The following KAZN variants were observed in gnomAD, a reference collection of about 807,000 sequenced individuals.
KAZN encodes kazrin.
KAZN carries 40 observed loss-of-function variants against 87.4 expected under a neutral mutation model. The ratio of observed to expected loss-of-function variants is 0.46; its 90% CI spans 0.36 to 0.60. The LOEUF (loss-of-function observed/expected upper bound fraction) is 0.60, where lower values mean the gene tolerates loss of function less well. KAZN is among the 20% of genes least tolerant of loss of function. KAZN has a pLI of 0.00. For missense variants in KAZN, 898 were observed against 1,073.9 expected (o/e 0.84, Z 2.29); for synonymous variants, 466 against 458.3 (o/e 1.02, Z -0.22).
chr1:15,065,608 C>A (rs752960793), intron 7 of KAZN, 22 bp from the exon 8 acceptor site: 4 of 1,587,246 alleles, frequency 2.5e-6, no homozygotes, highest in Non-Finnish European at 3.4e-6. Flanking sequence ...CACCCTCTTC[C>A]ACGTGGCTCC....
intron 2 of KAZN, among the ~76,000 whole-genome samples, chr1:14,507,553 G>A (rs1027078779): frequency 6.6e-6 from 1 of 152,166 alleles, no homozygotes; most frequent in African/African-American, 2.4e-5. Flanking sequence ...CACCAGTAAC[G>A]CAGAATTCTT....
At chr1:14,870,418 T>C (rs1455495215) in intron 1 of KAZN, among the ~76,000 whole-genome samples, 2 of 152,166 alleles carry the variant, frequency 1.3e-5, no homozygotes, top group African/African-American at 2.4e-5. Context: ...TCTTGGCTCA[T>C]TGCAACCTCC....
chr1:15,014,141 A>G (rs1431537631), intron 2 of KAZN, among the ~76,000 whole-genome samples: 1 of 152,038 alleles, frequency 6.6e-6, no homozygotes, highest in African/African-American at 2.4e-5. Context: ...GGTCCTTCTG[A>G]ATGAGTCTCG....
intron 1 of KAZN, among the ~76,000 whole-genome samples, chr1:14,681,118 A>C (rs1241158784): frequency 6.6e-6 from 1 of 152,152 alleles, no homozygotes; most frequent in Non-Finnish European, 1.5e-5. Flanking sequence ...GGGCTGCCCA[A>C]GTCATTCCTG....
intron 1 of KAZN, among the ~76,000 whole-genome samples, chr1:13,985,904 A>G (rs1248641905): frequency 6.6e-6 from 1 of 152,174 alleles, no homozygotes; most frequent in Non-Finnish European, 1.5e-5. Context: ...ACAGTATACC[A>G]TATGTTGTTT....
intron 2 of KAZN, among the ~76,000 whole-genome samples, chr1:14,571,997 C>T (rs1488488502): frequency 6.6e-6 from 1 of 152,132 alleles, no homozygotes; most frequent in African/African-American, 2.4e-5. Flanking sequence ...TCTGGGGAAG[C>T]CCCGCTAGGG....
intron 2 of KAZN, among the ~76,000 whole-genome samples, chr1:14,512,746 ATG>A (rs1670980058): frequency 2.6e-5 from 4 of 152,186 alleles, no homozygotes; most frequent in Non-Finnish European, 4.4e-5. Context: ...TGCTGGGTTT[ATG>A]AGCGAAATTA....
At chr1:14,411,523 T>G (rs1664301693) in intron 2 of KAZN, among the ~76,000 whole-genome samples, 1 of 152,234 alleles carries the variant, frequency 6.6e-6, no homozygotes, top group Admixed American at 6.5e-5. Flanking sequence ...CTTGAACTCC[T>G]TACCTCAAAT....
chr1:13,930,612 C>T (rs1640473210), intron 1 of KAZN, among the ~76,000 whole-genome samples: 1 of 152,084 alleles, frequency 6.6e-6, no homozygotes, highest in African/African-American at 2.4e-5. Flanking sequence ...CCTCATAAAT[C>T]CCAGTCTTAT....
At chr1:15,036,922 G>A (rs539087261) in intron 3 of KAZN, among the ~76,000 whole-genome samples, 2 of 152,306 alleles carry the variant, frequency 1.3e-5, no homozygotes, top group East Asian at 3.9e-4. Flanking sequence ...TAGACACAGA[G>A]AGGGGAGATA....
chr1:14,221,629 T>C (rs577281668), intron 2 of KAZN, among the ~76,000 whole-genome samples: 1 of 152,280 alleles, frequency 6.6e-6, no homozygotes, highest in Non-Finnish European at 1.5e-5. Flanking sequence ...GTCACCATTA[T>C]TGCACCAATT....
chr1:14,728,965 GTTAC>G (rs1643549811), intron 1 of KAZN, among the ~76,000 whole-genome samples: 1 of 152,160 alleles, frequency 6.6e-6, no homozygotes, highest in Non-Finnish European at 1.5e-5. Context: ...CCTTCCAGAG[GTTAC>G]TTATTCAGAT....
chr1:14,576,311 TGG>T (rs1416861065), intron 2 of KAZN, among the ~76,000 whole-genome samples: 8 of 151,048 alleles, frequency 5.3e-5, no homozygotes, highest in Non-Finnish European at 1.2e-4. Flanking sequence ...GATGGATGGA[TGG>T]ATGGATGGAT....
chr1:14,637,823 T>C (rs1408467691), intron 1 of KAZN, among the ~76,000 whole-genome samples: 1 of 152,230 alleles, frequency 6.6e-6, no homozygotes, highest in Non-Finnish European at 1.5e-5. Context: ...TGAGGGCTAC[T>C]GTGACAAAGT....
intron 1 of KAZN, among the ~76,000 whole-genome samples, chr1:14,798,702 G>A (rs1474470016): frequency 6.6e-6 from 1 of 151,988 alleles, no homozygotes; most frequent in Admixed American, 6.6e-5. Context: ...CCAGAGTGCT[G>A]GGATTACAGG....
chr1:14,146,467 C>T (rs1234803893), intron 1 of KAZN, among the ~76,000 whole-genome samples: 2 of 138,130 alleles, frequency 1.4e-5, no homozygotes, highest in African/African-American at 2.7e-5. Flanking sequence ...ACCTGGGAGA[C>T]GGAAGTTGCA....
intron 2 of KAZN, among the ~76,000 whole-genome samples, chr1:14,219,288 ATTG>A (rs1339497555): frequency 6.6e-6 from 1 of 152,020 alleles, no homozygotes; most frequent in Non-Finnish European, 1.5e-5. Context: ...AGGGAAGGGA[ATTG>A]TTGTTAAAAT....
At chr1:14,911,558 G>C (rs1459014913) in intron 1 of KAZN, among the ~76,000 whole-genome samples, 1 of 152,174 alleles carries the variant, frequency 6.6e-6, no homozygotes, top group African/African-American at 2.4e-5. Context: ...AGGTCATTAG[G>C]CGCCGGAAGC....
chr1:14,992,690 C>A (rs1410946060), intron 2 of KAZN, among the ~76,000 whole-genome samples: 1 of 152,178 alleles, frequency 6.6e-6, no homozygotes, highest in African/African-American at 2.4e-5. Context: ...ATCGCCCAGG[C>A]TGGAGTGCAG....
Sources: gnomAD v4.1 joint callset for allele counts (sites outside exome capture counted in the v4.1 genomes callset) on GRCh38, gnomAD v4.1.1 for gene constraint, MANE v1.5 for transcripts, NCBI Gene and HGNC (gene_info 2026-07-23, HGNC 2026-07-21) for gene names.